XRCC5: variants seen among roughly 807,000 people sequenced by gnomAD.
XRCC5 encodes X-ray repair cross complementing 5, also known as DNA repair protein Ku80.
A neutral mutation model predicts 95.7 loss-of-function variants in XRCC5; 12 were observed. The observed-to-expected ratio is 0.13, with a 90% CI of 0.08 to 0.20. The LOEUF (loss-of-function observed/expected upper bound fraction) is 0.20. XRCC5 is among the 10% of genes least tolerant of loss of function. XRCC5 has a pLI of 1.00. For synonymous variants in XRCC5, 281 were observed against 290.3 expected, an observed-to-expected ratio of 0.97 and a Z score of 0.33; for missense variants, 595 against 873.9, an observed-to-expected ratio of 0.68 and a Z score of 4.02.
intron 13 of XRCC5, 96 bp downstream of exon 13, chr2:216,141,415 T>G (rs1697167073): frequency 7.4e-7 from 1 of 1,355,228 alleles, no homozygotes; most frequent in Non-Finnish European, 1.0e-6. Context: ...TAAATGTCTT[T>G]TTTCTCTGAA....
chr2:216,126,957 T>A (rs954387137), intron 7 of XRCC5, among the ~76,000 whole-genome samples: 1 of 152,136 alleles, frequency 6.6e-6, no homozygotes, highest in African/African-American at 2.4e-5. Flanking sequence ...GTCCTCTTTT[T>A]ATTAAACAGT....
chr2:216,136,386 T>C (rs1697080959), intron 10 of XRCC5, among the ~76,000 whole-genome samples: 1 of 143,720 alleles, frequency 7.0e-6, no homozygotes, highest in Admixed American at 6.9e-5. Flanking sequence ...TAAAAGAATG[T>C]ACAGATTTTT....
rs112410019 is a variant in XRCC5 at position 216,148,783 on chromosome 2, G to T, written c.1670+507G>T. 5.4e-3 allele frequency among the ~76,000 whole-genome samples: 818 copies of T among 152,184 alleles called. 7 individuals are homozygous for T. Among genetic ancestry groups the T allele is most frequent in the African/African-American group, 0.019 (781 of 41,524 alleles). Reference sequence around the variant, plus strand: ...TGTATTTGGTTGTGCTATTGGGGAGGTGTTTGTAGTTTTAAGTATTGCAAA... The same window carrying T: ...TGTATTTGGTTGTGCTATTGGGGAGTTGTTTGTAGTTTTAAGTATTGCAAA... On this transcript the variant is annotated intron_variant, in intron 14 of 20. Transcript: ENST00000392132.
intron 18 of XRCC5, among the ~76,000 whole-genome samples, chr2:216,194,041 C>G (rs1689669161): frequency 6.6e-6 from 1 of 152,206 alleles, no homozygotes; most frequent in South Asian, 2.1e-4. Flanking sequence ...AGTAACATGG[C>G]CACAAGACAA....
intron 18 of XRCC5, 78 bp downstream of exon 18, chr2:216,192,813 A>G (rs1336303043): frequency 1.0e-6 from 1 of 963,316 alleles, no homozygotes; most frequent in African/African-American, 1.7e-5. Context: ...ATACATATAA[A>G]TTCTAAATAT....
chr2:216,193,364 G>C (rs1165265092), intron 18 of XRCC5, among the ~76,000 whole-genome samples: 2 of 151,986 alleles, frequency 1.3e-5, no homozygotes, highest in African/African-American at 4.8e-5. Context: ...CCAAGTATAA[G>C]ATATTACTTG....
chr2:216,132,482 A>G (rs948340619), intron 10 of XRCC5, 95 bp downstream of exon 10: 2 of 1,280,556 alleles, frequency 1.6e-6, no homozygotes, highest in Middle Eastern at 1.9e-4. Flanking sequence ...TTAAAATGAC[A>G]TGAATTCTTG....
At chr2:216,113,188 C>T in intron 2 of XRCC5, 59 bp downstream of exon 2, 1 of 1,414,728 alleles carries the variant, frequency 7.1e-7, no homozygotes, top group Non-Finnish European at 9.9e-7. Context: ...GTTGCCTCTA[C>T]CTACTAATGC....
intron 16 of XRCC5, among the ~76,000 whole-genome samples, chr2:216,169,391 C>T (rs904528591): frequency 1.3e-5 from 2 of 152,184 alleles, no homozygotes; most frequent in East Asian, 1.9e-4. Flanking sequence ...AGAACCAGTC[C>T]GTGGTTGGTG....
chr2:216,122,866 T>C (rs1696835941), intron 6 of XRCC5, among the ~76,000 whole-genome samples: 1 of 152,096 alleles, frequency 6.6e-6, no homozygotes, highest in Non-Finnish European at 1.5e-5. Flanking sequence ...CGTATAACAA[T>C]AAAGCAAACT....
At chr2:216,196,549 TAG>T (rs74625993) in intron 19 of XRCC5, among the ~76,000 whole-genome samples, 2 of 152,154 alleles carry the variant, frequency 1.3e-5, no homozygotes, top group Admixed American at 6.5e-5. Context: ...CACATATATA[TAG>T]AGAGAGAGAT....
chr2:216,129,105 G>A (rs1422942208), intron 8 of XRCC5, among the ~76,000 whole-genome samples: 1 of 152,250 alleles, frequency 6.6e-6, no homozygotes, highest in African/African-American at 2.4e-5. Context: ...ACAACTGGTT[G>A]TAGGATGGAT....
chr2:216,124,256 A>AC (rs1553569478), intron 6 of XRCC5, among the ~76,000 whole-genome samples: 1 of 151,848 alleles, frequency 6.6e-6, no homozygotes, highest in African/African-American at 2.4e-5. Flanking sequence ...TTGTTCTTAG[A>AC]TTTTTTTTGA....
At chr2:216,133,948 T>C (rs1697031283) in intron 10 of XRCC5, among the ~76,000 whole-genome samples, 1 of 152,188 alleles carries the variant, frequency 6.6e-6, no homozygotes, top group Admixed American at 6.5e-5. Flanking sequence ...ATTTGGAGAA[T>C]TATCTTGTAG....
At chr2:216,162,106 G>GTCTAGA (rs1357308400) in intron 16 of XRCC5, 58 bp downstream of exon 16, 4 of 1,478,128 alleles carry the variant, frequency 2.7e-6, no homozygotes, top group Non-Finnish European at 3.8e-6. Context: ...CTAATTTAAA[G>GTCTAGA]TCTAGATTAA....
At chr2:216,142,521 A>G (rs992260270) in intron 13 of XRCC5, among the ~76,000 whole-genome samples, 1 of 152,168 alleles carries the variant, frequency 6.6e-6, no homozygotes, top group Non-Finnish European at 1.5e-5. Flanking sequence ...CCAAGGTTGA[A>G]GGAGAAAGGA....
At chr2:216,117,179 G>A (rs2106001114) in intron 3 of XRCC5, 2 of 222,144 alleles carry the variant, frequency 9.0e-6, no homozygotes, top group South Asian at 1.3e-4. Flanking sequence ...TTTGGAGGCG[G>A]ATAGAAAATA....
intron 16 of XRCC5, among the ~76,000 whole-genome samples, chr2:216,181,051 C>T (rs1689376099): frequency 6.6e-6 from 1 of 151,922 alleles, no homozygotes; most frequent in Non-Finnish European, 1.5e-5. Context: ...GACCTCAGAT[C>T]ATCCACCCGC....
chr2:216,160,969 T>C (rs1376393101), intron 15 of XRCC5, among the ~76,000 whole-genome samples: 3 of 152,110 alleles, frequency 2.0e-5, no homozygotes, highest in African/African-American at 7.2e-5. Flanking sequence ...ACTGGGATTA[T>C]AGTCATGAGT....
Sources: gnomAD v4.1 joint callset for allele counts (sites outside exome capture counted in the v4.1 genomes callset) on GRCh38, gnomAD v4.1.1 for gene constraint, MANE v1.5 for transcripts, NCBI Gene and HGNC (gene_info 2026-07-23, HGNC 2026-07-21) for gene names.